The following CCNYL1 variants were observed in gnomAD, a reference collection of about 807,000 sequenced individuals.
CCNYL1 encodes the protein cyclin-Y-like protein 1.
In CCNYL1, 16 loss-of-function variants were observed where a neutral mutation model predicts 44.2. The observed-to-expected ratio is 0.36, with a 90% CI of 0.25 to 0.55. The LOEUF (loss-of-function observed/expected upper bound fraction) is 0.55. Ranked by LOEUF, CCNYL1 falls within the 20% of genes least tolerant of loss-of-function variation. The pLI, the probability that CCNYL1 is intolerant of heterozygous loss-of-function variation, is 0.85. For synonymous variants in CCNYL1, 159 were observed against 163.2 expected, an observed-to-expected ratio of 0.97 and a Z score of 0.20; for missense variants, 348 against 451.8, an observed-to-expected ratio of 0.77 and a Z score of 2.08.
In CCNYL1 at chr2:207,752,812, G is replaced by A. The variant is rs200156075; in HGVS notation, c.970-776G>A. Reference sequence around the variant, plus strand: ...AGCACTTTGGGAGGCCGAGGCAGGCGGGATCACCTGAGGTCAGGAGTTTGA... The same window carrying A: ...AGCACTTTGGGAGGCCGAGGCAGGCAGGATCACCTGAGGTCAGGAGTTTGA... On this transcript the variant is annotated intron_variant, in intron 9 of 9. Coordinates refer to ENST00000295414, the MANE Select transcript of CCNYL1 (RefSeq NM_001330218.2). Among the ~76,000 whole-genome samples the A allele has an allele frequency of 8.0e-3, 889 of 111,382 alleles. 53 individuals carry two copies. In the East Asian group the frequency reaches 0.28, roughly 34 times the overall value. 73.1% of individuals were successfully genotyped at this position (111,382 alleles called of 152,430 possible).
At chr2:207,729,782 T>A (rs2091711745) in intron 3 of CCNYL1, among the ~76,000 whole-genome samples, 1 of 152,128 alleles carries the variant, frequency 6.6e-6, no homozygotes, top group Non-Finnish European at 1.5e-5. Flanking sequence ...CTCAGCGCCC[T>A]CTGCCAAGAT....
intron 8 of CCNYL1, among the ~76,000 whole-genome samples, chr2:207,747,708 C>T (rs1449155669): frequency 3.9e-5 from 6 of 152,038 alleles, no homozygotes; most frequent in South Asian, 4.2e-4. Context: ...TACAGGCATG[C>T]GCCACCATGC....
chr2:207,738,393 G>A (rs1474852784), intron 5 of CCNYL1, among the ~76,000 whole-genome samples: 1 of 152,008 alleles, frequency 6.6e-6, no homozygotes, highest in South Asian at 2.1e-4. Context: ...GCTAATTTTT[G>A]TATTTTTAGT....
At chr2:207,724,757 C>T (rs771127011) in intron 1 of CCNYL1, 43 bp from the exon 2 acceptor site, 9 of 1,373,056 alleles carry the variant, frequency 6.6e-6, no homozygotes, top group Non-Finnish European at 9.4e-6. Flanking sequence ...ATCATCTTTT[C>T]TACTCACCTA....
At chr2:207,737,543 A>G in intron 5 of CCNYL1, 97 bp downstream of exon 5, 1 of 980,500 alleles carries the variant, frequency 1.0e-6, no homozygotes, top group Non-Finnish European at 1.6e-6. Flanking sequence ...CATAAGCTAT[A>G]GATTGCTATT....
At chr2:207,747,837 C>T (rs970150940) in intron 8 of CCNYL1, among the ~76,000 whole-genome samples, 5 of 152,240 alleles carry the variant, frequency 3.3e-5, no homozygotes, top group African/African-American at 1.2e-4. Context: ...GGATTACAGG[C>T]ATGAACCACT....
chr2:207,726,780 C>A, intron 2 of CCNYL1, 62 bp from the exon 3 acceptor site: 1 of 1,071,434 alleles, frequency 9.3e-7, no homozygotes, highest in Non-Finnish European at 1.4e-6. Context: ...AGATGATTAG[C>A]AACTACTTTT....
chr2:207,735,932 G>A (rs755131876), intron 4 of CCNYL1, among the ~76,000 whole-genome samples: 6 of 152,054 alleles, frequency 3.9e-5, no homozygotes, highest in African/African-American at 9.7e-5. Context: ...AGTCATACCC[G>A]ATGCCAATTA....
At chr2:207,727,826 C>T (rs1338625549) in intron 3 of CCNYL1, among the ~76,000 whole-genome samples, 1 of 152,102 alleles carries the variant, frequency 6.6e-6, no homozygotes, top group African/African-American at 2.4e-5. Context: ...CCCCTAAATC[C>T]TAGATTCTGT....
chr2:207,741,211 C>T (rs1057137093), intron 6 of CCNYL1, among the ~76,000 whole-genome samples: 1 of 151,894 alleles, frequency 6.6e-6, no homozygotes, highest in Non-Finnish European at 1.5e-5. Context: ...GCCAAGATCG[C>T]TCCACTGCAC....
rs1238959439 is a variant in CCNYL1, at chr2:207,724,690, A to G, written c.221-110A>G. On this transcript the variant is annotated intron_variant, in intron 1 of 9. Coordinates refer to ENST00000295414, the MANE Select transcript of CCNYL1 (RefSeq NM_001330218.2). ...TTTATTTCCTTTATATTTATTACTA[A>G]AAACTTCTCTGAAGACTGTTAAAAG... The G allele has an allele frequency of 3.8e-6, 3 of 781,784 alleles. No individual in the cohort carries two copies. In the East Asian group the frequency reaches 8.1e-5, roughly 21 times the overall value. 48.4% of individuals were successfully genotyped at this position (781,784 alleles called of 1,614,324 possible).
At position 207,726,537 on chromosome 2, in the gene CCNYL1, C is replaced by A. The variant is rs182868108; in HGVS notation, c.296-305C>A. Among the ~76,000 whole-genome samples the A allele has an allele frequency of 3.7e-3, 559 of 152,342 alleles. 2 individuals are homozygous for A. Among genetic ancestry groups the A allele is most frequent in the African/African-American group, 0.013 (531 of 41,574 alleles). ...GCTGGATGATGGTTCAGATATGCAA[C>A]AGGGAAACCTATTAGCTAAATTTCT... On this transcript the variant is annotated intron_variant, in intron 2 of 9. Coordinates refer to ENST00000295414, the MANE Select transcript of CCNYL1 (RefSeq NM_001330218.2).
At chr2:207,725,916 G>A (rs1478397212) in intron 2 of CCNYL1, among the ~76,000 whole-genome samples, 1 of 152,194 alleles carries the variant, frequency 6.6e-6, no homozygotes, top group Non-Finnish European at 1.5e-5. Context: ...AGAAGTGGGG[G>A]TTCTATAATA....
At position 207,724,849 on chromosome 2, in the gene CCNYL1, T is replaced by A; in HGVS notation, c.270T>A (p.Ile90=). 1 of 1,613,182 alleles carries A rather than the reference T, an allele frequency of 6.2e-7. No homozygotes were observed. Among genetic ancestry groups the A allele is most frequent in the Non-Finnish European group, 8.5e-7 (1 of 1,179,672 alleles). The change falls in exon 2 of 10, where the codon ATT becomes ATA. Residue 90 remains isoleucine, a synonymous_variant. Transcript: ENST00000295414. ...NPSDHPRAST[I]FLSKSQTDVR... ...CTGACCATCCAAGGGCAAGCACAATTTTCCTGAGCAAATCTCAAACGGATG... is the reference window on the plus strand; with the variant it reads ...CTGACCATCCAAGGGCAAGCACAATATTCCTGAGCAAATCTCAAACGGATG...
intron 1 of CCNYL1, 127 bp downstream of exon 1, chr2:207,712,243 TG>T (rs1320450623): frequency 1.4e-6 from 1 of 706,584 alleles, no homozygotes; most frequent in Non-Finnish European, 2.3e-6. Flanking sequence ...GGACGAAGGC[TG>T]GTTCTGCCTC....
chr2:207,742,550 C>T (rs2091819475), intron 7 of CCNYL1, among the ~76,000 whole-genome samples: 1 of 152,180 alleles, frequency 6.6e-6, no homozygotes, highest in South Asian at 2.1e-4. Flanking sequence ...AGAACAGTTG[C>T]TACAAAAGGC....
chr2:207,743,104 A>G (rs1232014840), intron 7 of CCNYL1, among the ~76,000 whole-genome samples: 1 of 152,190 alleles, frequency 6.6e-6, no homozygotes, highest in Non-Finnish European at 1.5e-5. Flanking sequence ...TTAGCATCCA[A>G]TTGGAATTTA....
At chr2:207,722,134 G>A (rs1228740287) in intron 1 of CCNYL1, among the ~76,000 whole-genome samples, 2 of 147,664 alleles carry the variant, frequency 1.4e-5, no homozygotes, top group Non-Finnish European at 3.0e-5. Context: ...GGGCAGTGGT[G>A]TGATCTTGGT....
At chr2:207,713,456 G>A (rs1246904154) in intron 1 of CCNYL1, among the ~76,000 whole-genome samples, 2 of 152,164 alleles carry the variant, frequency 1.3e-5, no homozygotes, top group African/African-American at 2.4e-5. Context: ...TTGAGGTAGG[G>A]GTGAGGGGAG....
Sources: allele counts gnomAD v4.1 joint callset (sites outside exome capture counted in the v4.1 genomes callset), GRCh38; gene constraint gnomAD v4.1.1; transcripts MANE v1.5; gene names NCBI Gene and HGNC (gene_info 2026-07-23, HGNC 2026-07-21).